The following MBOAT1 variants were observed in gnomAD, a reference collection of about 807,000 sequenced individuals.
The protein encoded by MBOAT1 is membrane-bound glycerophospholipid O-acyltransferase 1.
Under a neutral mutation model 64.4 loss-of-function variants are expected in MBOAT1, and 67 were observed. That is an observed-to-expected ratio of 1.04 (90% CI 0.85 to 1.27). The LOEUF (loss-of-function observed/expected upper bound fraction) is 1.27. MBOAT1 is among the 50% of genes most tolerant of loss of function. The pLI, the probability that MBOAT1 is intolerant of heterozygous loss-of-function variation, is 0.00. For missense variants in MBOAT1, 563 were observed against 604.6 expected, an observed-to-expected ratio of 0.93 and a Z score of 0.72; for synonymous variants, 229 against 218.9, an observed-to-expected ratio of 1.05 and a Z score of -0.41.
chr6:20,159,561 T>C (rs750849619), intron 1 of MBOAT1, among the ~76,000 whole-genome samples: 9 of 152,064 alleles, frequency 5.9e-5, no homozygotes, highest in Admixed American at 2.6e-4. Context: ...CTTAAGTGCA[T>C]GTGGAATCTA....
chr6:20,139,363 C>G (rs60482189), intron 4 of MBOAT1, among the ~76,000 whole-genome samples: 13,682 of 151,978 alleles, frequency 0.09, 824 homozygotes, highest in African/African-American at 0.17. Flanking sequence ...CCAAGTCTCC[C>G]AAAGTGCTGA....
Position 20,195,605 on chromosome 6 carries a change from CTGTGTGTGTGTGTGTG to C in MBOAT1, c.99+16515_99+16530del, listed in dbSNP as rs10540923. Among the ~76,000 whole-genome samples, 12 of 149,646 alleles carry C rather than the reference CTGTGTGTGTGTGTGTG, an allele frequency of 8.0e-5. No individual in the cohort carries two copies. The East Asian group carries it at 2.4e-3, about 30-fold the overall frequency. On this transcript the variant is annotated intron_variant, in intron 1 of 12. Transcript: ENST00000324607. ...CTCAGCTGACAGGAAAATAAATTGCCTGTGTGTGTGTGTGTGTGTGTGTGTGTGTGCATGTGCACTA... is the reference window on the plus strand; with the variant it reads ...CTCAGCTGACAGGAAAATAAATTGCCTGTGTGTGTGTGTGCATGTGCACTA...
At chr6:20,123,369 A>G (rs1473247681) in intron 8 of MBOAT1, among the ~76,000 whole-genome samples, 1 of 152,138 alleles carries the variant, frequency 6.6e-6, no homozygotes, top group African/African-American at 2.4e-5. Flanking sequence ...TAAGACACAC[A>G]ACTCCCATCC....
intron 1 of MBOAT1, among the ~76,000 whole-genome samples, chr6:20,168,644 AGG>A (rs1343098717): frequency 6.6e-4 from 84 of 128,072 alleles, no homozygotes; most frequent in Non-Finnish European, 8.4e-4. Flanking sequence ...AAGAGAAGAG[AGG>A]AGAGGAGAGG....
intron 1 of MBOAT1, among the ~76,000 whole-genome samples, chr6:20,158,596 G>A (rs750904739): frequency 2.0e-5 from 3 of 152,068 alleles, no homozygotes; most frequent in Admixed American, 6.6e-5. Context: ...AAACTAAAAC[G>A]GCTTCTGTGC....
At chr6:20,152,531 A>G in intron 2 of MBOAT1, 93 bp downstream of exon 2, 2 of 1,290,782 alleles carry the variant, frequency 1.5e-6, no homozygotes, top group South Asian at 3.1e-5. Context: ...ATATTTTATA[A>G]TGCCATCTAT....
intron 1 of MBOAT1, among the ~76,000 whole-genome samples, chr6:20,177,172 C>T (rs764017394): frequency 6.6e-6 from 1 of 152,156 alleles, no homozygotes; most frequent in Non-Finnish European, 1.5e-5. Flanking sequence ...AACTTTGTCA[C>T]CTTTGCCAGT....
chr6:20,111,887 T>TACATATATATATAC (rs1385208418), intron 11 of MBOAT1, among the ~76,000 whole-genome samples: 39 of 140,336 alleles, frequency 2.8e-4, no homozygotes, highest in South Asian at 1.1e-3. Flanking sequence ...TATGTATATA[T>TACATATATATATAC]ATATATTCCA....
At chr6:20,151,141 A>G in intron 3 of MBOAT1, 44 bp downstream of exon 3, 1 of 1,443,998 alleles carries the variant, frequency 6.9e-7, no homozygotes, top group Non-Finnish European at 9.7e-7. Flanking sequence ...AGATCACAAA[A>G]AAAAGAAAAT....
rs2457351 is a variant in MBOAT1, at chr6:20,154,896, A to T, written c.100-2127T>A. Among the ~76,000 whole-genome samples the T allele has an allele frequency of 3.5e-3, 534 of 152,354 alleles. 5 individuals carry two copies. The highest frequency in any genetic ancestry group is 0.011 in the African/African-American group (460 of 41,582). ...ACCCAATAAACAAGAGCATTCCTCA[A>T]ATTCAAGGTGTGACACTGAAGATCT... On this transcript the variant is annotated intron_variant, in intron 1 of 12. Transcript: ENST00000324607.
At chr6:20,202,565 C>T (rs1209151301) in intron 1 of MBOAT1, among the ~76,000 whole-genome samples, 1 of 150,616 alleles carries the variant, frequency 6.6e-6, no homozygotes, top group African/African-American at 2.4e-5. Flanking sequence ...AAAAACAGAG[C>T]TCCACTAATA....
intron 1 of MBOAT1, among the ~76,000 whole-genome samples, chr6:20,160,360 C>A (rs987486248): frequency 7.2e-5 from 11 of 152,138 alleles, no homozygotes; most frequent in African/African-American, 2.2e-4. Context: ...TATTAACGGT[C>A]CAAAAGTATT....
chr6:20,183,939 C>T (rs944000122), intron 1 of MBOAT1, among the ~76,000 whole-genome samples: 1 of 152,128 alleles, frequency 6.6e-6, no homozygotes, highest in African/African-American at 2.4e-5. Context: ...AAAGTGGAAA[C>T]CCCCAATAAA....
In MBOAT1 at chr6:20,150,173, C is replaced by T. The variant is rs368127588; in HGVS notation, c.323+1012G>A. Among the ~76,000 whole-genome samples the T allele has an allele frequency of 5.3e-5, 8 of 152,232 alleles. No homozygotes were observed. In the East Asian group the frequency reaches 7.7e-4, roughly 15 times the overall value. On this transcript the variant is annotated intron_variant, in intron 3 of 12. Transcript: ENST00000324607. ...CTCAGTTGATTATCCAAGCATGCTG[C>T]CTCCAAGGTAGACTTAAACTACCTC... is the stretch of plus-strand genomic sequence containing the variant.
In MBOAT1 at chr6:20,126,702, T is replaced by C. The variant is rs909031633; in HGVS notation, c.531-2A>G. On this transcript the variant is annotated splice_acceptor_variant, in intron 6 of 12. Transcript: ENST00000324607. LOFTEE classifies it high-confidence loss of function. ...TATTCCAAAAAAGAGGGTTTCACTC[T>C]GTGAAAATAAAGTAAATAAATTGAA... is the stretch of plus-strand genomic sequence containing the variant. 1 of 1,595,658 alleles carries C rather than the reference T, an allele frequency of 6.3e-7. No individual in the cohort carries two copies. The highest frequency in any genetic ancestry group is 1.4e-5 in the African/African-American group (1 of 73,956).
chr6:20,144,417 C>T (rs770560412), intron 3 of MBOAT1, 102 bp from the exon 4 acceptor site: 11 of 778,422 alleles, frequency 1.4e-5, no homozygotes, highest in Middle Eastern at 3.7e-4. Context: ...TGCAGTTGGT[C>T]ACAATGTCCT....
At chr6:20,183,213 G>A (rs1762558483) in intron 1 of MBOAT1, among the ~76,000 whole-genome samples, 1 of 151,990 alleles carries the variant, frequency 6.6e-6, no homozygotes. Flanking sequence ...ATAATCCATG[G>A]TATGATCTAC....
chr6:20,207,297 T>A (rs1175710185), intron 1 of MBOAT1, among the ~76,000 whole-genome samples: 1 of 152,136 alleles, frequency 6.6e-6, no homozygotes, highest in Non-Finnish European at 1.5e-5. Context: ...AAAATGAAAA[T>A]CTTTTCACAA....
rs1394462814 is a variant in MBOAT1, at chr6:20,109,649, G to A, written c.1310C>T (p.Thr437Met). 9.3e-6 allele frequency: 15 copies of A among 1,614,052 alleles called. No homozygotes were observed. The highest frequency in any genetic ancestry group is 2.7e-5 in the African/African-American group (2 of 74,932). Reference protein sequence around the residue: ...WAVTQLAVSYTVAPFVMLAVE... With the variant: ...WAVTQLAVSYMVAPFVMLAVE... Reference sequence around the variant, plus strand: ...TGCCAACATCACAAAGGGTGCTACCGTGTAAGAGACAGCCAGCTGAGTGAC... The same window carrying A: ...TGCCAACATCACAAAGGGTGCTACCATGTAAGAGACAGCCAGCTGAGTGAC... Residue 437 changes from threonine to methionine, a missense_variant, in exon 12 of 13, where the codon ACG becomes ATG. Transcript: ENST00000324607.
Sources: allele counts gnomAD v4.1 joint callset (sites outside exome capture counted in the v4.1 genomes callset), GRCh38; gene constraint gnomAD v4.1.1; transcripts MANE v1.5; gene names NCBI Gene and HGNC (gene_info 2026-07-23, HGNC 2026-07-21).